The following GALK2 variants were observed in gnomAD, a reference collection of about 807,000 sequenced individuals.
GALK2 encodes the protein galactokinase 2.
GALK2 carries 36 observed loss-of-function variants against 52.4 expected under a neutral mutation model. The observed-to-expected ratio is 0.69, with a 90% CI of 0.53 to 0.91. The LOEUF (loss-of-function observed/expected upper bound fraction) is 0.91. Among genes scored for constraint, GALK2 ranks in the 40% least tolerant of loss-of-function variants. The probability of loss-of-function intolerance (pLI) is 0.00; values close to 1 mark genes in which losing one functional copy is unlikely to be tolerated. For missense variants in GALK2, 579 were observed against 559.1 expected (o/e 1.04, Z -0.36); for synonymous variants, 176 against 199.1 (o/e 0.88, Z 0.98).
At chr15:49,299,412 T>C (rs574400601) in intron 8 of GALK2, among the ~76,000 whole-genome samples, 1 of 152,304 alleles carries the variant, frequency 6.6e-6, no homozygotes, top group Admixed American at 6.5e-5. Flanking sequence ...TTTGGTTGTT[T>C]CCTTTCTTCT....
intron 3 of GALK2, among the ~76,000 whole-genome samples, chr15:49,350,162 T>C (rs1025187720): frequency 3.9e-5 from 6 of 152,234 alleles, no homozygotes; most frequent in African/African-American, 1.4e-4. Context: ...GGCAGTGTTG[T>C]TCATAGTACT....
At chr15:49,288,820 A>G (rs1029942355) in intron 7 of GALK2, among the ~76,000 whole-genome samples, 3 of 152,212 alleles carry the variant, frequency 2.0e-5, no homozygotes, top group African/African-American at 7.2e-5. Flanking sequence ...AAATATTAAT[A>G]TGACAGCAGG....
At chr15:49,283,415 C>A in intron 6 of GALK2, 151 bp from the exon 7 acceptor site, 1 of 632,242 alleles carries the variant, frequency 1.6e-6, no homozygotes, top group East Asian at 2.8e-5. Flanking sequence ...GTTGTATTTC[C>A]AGTGCCTAGT....
downstream of GALK2, chr15:49,335,605 A>G: frequency 1.4e-6 from 1 of 690,984 alleles, no homozygotes; most frequent in Non-Finnish European, 2.5e-6. Flanking sequence ...CTTTTCAGTA[A>G]TGAAGAGTCT....
intron 8 of GALK2, among the ~76,000 whole-genome samples, chr15:49,303,954 G>A (rs1308917899): frequency 6.6e-6 from 1 of 152,214 alleles, no homozygotes; most frequent in African/African-American, 2.4e-5. Context: ...TATCATGGAT[G>A]TATCTCTGTC....
Position 49,181,690 on chromosome 15 carries a change from A to T in GALK2, c.53+11315A>T, listed in dbSNP as rs192240167. Among the ~76,000 whole-genome samples, 331 of 151,356 alleles carry T rather than the reference A, an allele frequency of 2.2e-3. 1 individual carries two copies. The highest frequency in any genetic ancestry group is 7.7e-3 in the African/African-American group (317 of 41,312). On this transcript the variant is annotated intron_variant, in intron 1 of 9. Transcript: ENST00000560031. ...CCATGCCTGGCTAATTTTTGTATTT[A>T]AAAAAAATAGTTTTTTATTTTGAAA...
chr15:49,295,269 T>C (rs2034357603), intron 8 of GALK2, among the ~76,000 whole-genome samples: 1 of 151,858 alleles, frequency 6.6e-6, no homozygotes, highest in Non-Finnish European at 1.5e-5. Context: ...TAGGAAATTA[T>C]AGTATTGAAG....
chr15:49,227,384 CTT>C (rs1566956401), intron 3 of GALK2, among the ~76,000 whole-genome samples: 1 of 152,042 alleles, frequency 6.6e-6, no homozygotes, highest in Non-Finnish European at 1.5e-5. Context: ...TAATACCCCT[CTT>C]TGTCTATTTT....
intron 2 of GALK2, among the ~76,000 whole-genome samples, chr15:49,205,544 A>G (rs869270341): frequency 6.6e-6 from 1 of 152,112 alleles, no homozygotes. Context: ...AGAATTGTCT[A>G]TTCGTGTCCT....
intron 2 of GALK2, among the ~76,000 whole-genome samples, chr15:49,206,319 G>A (rs2088281241): frequency 6.6e-6 from 1 of 151,688 alleles, no homozygotes; most frequent in Non-Finnish European, 1.5e-5. Flanking sequence ...CATATGTATG[G>A]TTCCATATGA....
intron 3 of GALK2, chr15:49,225,303 C>T (rs1396718803): frequency 6.6e-6 from 3 of 452,252 alleles, no homozygotes; most frequent in South Asian, 1.6e-5. Flanking sequence ...TCCCCAATCC[C>T]TGTTACTGCT....
At chr15:49,235,611 C>T in intron 3 of GALK2, 2 of 646,778 alleles carry the variant, frequency 3.1e-6, no homozygotes. Flanking sequence ...TATATTGTTT[C>T]CTCTGTGTTT....
At chr15:49,270,040 T>C (rs1472710274) in intron 5 of GALK2, among the ~76,000 whole-genome samples, 1 of 152,244 alleles carries the variant, frequency 6.6e-6, no homozygotes, top group Non-Finnish European at 1.5e-5. Context: ...CTTCTTAGAA[T>C]GTACTCTTGT....
At chr15:49,264,119 C>G (rs1440520008) in intron 5 of GALK2, among the ~76,000 whole-genome samples, 1 of 151,634 alleles carries the variant, frequency 6.6e-6, no homozygotes, top group East Asian at 1.9e-4. Context: ...GTTGGCCTGC[C>G]TTGCTAGATT....
chr15:49,311,429 C>A lies in GALK2; in HGVS notation c.968-8175C>A, dbSNP rs1467468121. Among the ~76,000 whole-genome samples, 3 of 152,314 alleles carry A rather than the reference C, an allele frequency of 2.0e-5. 1 individual carries two copies. The highest frequency in any genetic ancestry group is 4.4e-5 in the Non-Finnish European group (3 of 68,020). On this transcript the variant is annotated intron_variant, in intron 8 of 9. Transcript: ENST00000560031. ...CTTTGATTTTCTCTCCTGTTACATT[C>A]TCTGTTGCTTCTATTTCTTTATCCT...
downstream of GALK2, chr15:49,334,151 G>C (rs2039295849): frequency 3.3e-6 from 2 of 598,558 alleles, no homozygotes; most frequent in South Asian, 7.4e-5. Flanking sequence ...GCAGTTTTGT[G>C]GTTTTATGTA....
chr15:49,193,495 A>C (rs77815234), intron 1 of GALK2, among the ~76,000 whole-genome samples: 22,927 of 151,840 alleles, frequency 0.15, 2,249 homozygotes, highest in Non-Finnish European at 0.21. Flanking sequence ...AACTCTATCA[A>C]ATTAAAAAAA....
At chr15:49,204,138 A>G (rs2088047635) in intron 2 of GALK2, among the ~76,000 whole-genome samples, 1 of 151,254 alleles carries the variant, frequency 6.6e-6, no homozygotes, top group African/African-American at 2.4e-5. Flanking sequence ...AGTTGGCTGT[A>G]AATACATGGA....
At chr15:49,199,219 T>C (rs1369921623) in intron 1 of GALK2, 2 of 152,206 alleles carry the variant, frequency 1.3e-5, no homozygotes, top group Non-Finnish European at 2.9e-5. Flanking sequence ...TTTGTTTCAC[T>C]ATGTTTTGTA....
Sources: gnomAD v4.1 joint callset for allele counts (sites outside exome capture counted in the v4.1 genomes callset) on GRCh38, gnomAD v4.1.1 for gene constraint, MANE v1.5 for transcripts, NCBI Gene and HGNC (gene_info 2026-07-23, HGNC 2026-07-21) for gene names.